TRPM2: variants seen among roughly 807,000 people sequenced by gnomAD.
TRPM2 encodes the protein transient receptor potential cation channel subfamily M member 2, also known as estrogen-responsive element-associated gene 1 protein.
A neutral mutation model predicts 174.0 loss-of-function variants in TRPM2; 161 were observed. That is an observed-to-expected ratio of 0.93 (90% CI 0.81 to 1.05). The LOEUF (loss-of-function observed/expected upper bound fraction) is 1.05. TRPM2 is among the 50% of genes least tolerant of loss of function. TRPM2 has a pLI of 0.00. For missense variants in TRPM2, 2,057 were observed against 2,038.0 expected (o/e 1.01, Z -0.18); for synonymous variants, 954 against 861.3 (o/e 1.11, Z -1.88).
chr21:44,359,409 G>T (rs920216680), intron 2 of TRPM2, among the ~76,000 whole-genome samples: 1 of 151,872 alleles, frequency 6.6e-6, no homozygotes, highest in African/African-American at 2.4e-5. Flanking sequence ...GTACGGATTT[G>T]GATTTGTAGG....
intron 27 of TRPM2, among the ~76,000 whole-genome samples, chr21:44,427,871 G>T (rs1352645493): frequency 6.6e-6 from 1 of 152,168 alleles, no homozygotes; most frequent in Non-Finnish European, 1.5e-5. Flanking sequence ...CCAGGTGGCT[G>T]CAGCTGCAGG....
In TRPM2 at chr21:44,418,095, G is replaced by A. The variant is rs932270656; in HGVS notation, c.3315G>A (p.Arg1105=). 111 of 1,611,340 alleles carry A rather than the reference G, an allele frequency of 6.9e-5. No homozygotes were observed. The highest frequency in any genetic ancestry group is 8.7e-5 in the Non-Finnish European group (103 of 1,179,336). Residue 1105 remains arginine (R), a synonymous_variant, in exon 21 of 32, where the codon AGG becomes AGA. Transcript: ENST00000397928. ...TGGTCCTGAAGACTCCGGCCAAGAG[G>A]CACAAGCAGCTCAGTATGCCAGCCC... is the stretch of plus-strand genomic sequence containing the variant. ...KRVVLKTPAK[R]HKQLKNKLEK...
chr21:44,409,976 C>A (rs1226906263), intron 19 of TRPM2, among the ~76,000 whole-genome samples: 1 of 151,974 alleles, frequency 6.6e-6, no homozygotes, highest in African/African-American at 2.4e-5. Context: ...TTTGACCTCA[C>A]TCTCTTGGTT....
rs1301599751 is a variant in TRPM2, at chr21:44,369,299, A to ACCTGGGGCACTGTCCACCGCCGCGAGGG, written c.732_759dup (p.Ile254GlyfsTer24). On this transcript the variant is annotated frameshift_variant, in exon 5 of 32. Coordinates refer to ENST00000397928, the MANE Select transcript of TRPM2 (RefSeq NM_003307.4). LOFTEE classifies it high-confidence loss of function. Reference sequence around the variant, plus strand: ...CGAGCTCATCACCATCGGAGTCGCCACCTGGGGCACTGTCCACCGCCGCGA... The same window carrying ACCTGGGGCACTGTCCACCGCCGCGAGGG: ...CGAGCTCATCACCATCGGAGTCGCCACCTGGGGCACTGTCCACCGCCGCGAGGGCCTGGGGCACTGTCCACCGCCGCGA... 1.2e-6 allele frequency: 2 copies of ACCTGGGGCACTGTCCACCGCCGCGAGGG among 1,613,648 alleles called. No homozygotes were observed. Among genetic ancestry groups the ACCTGGGGCACTGTCCACCGCCGCGAGGG allele is most frequent in the South Asian group, 2.2e-5 (2 of 91,076 alleles).
chr21:44,437,416 G>A (rs923855454), intron 29 of TRPM2, among the ~76,000 whole-genome samples: 8 of 152,186 alleles, frequency 5.3e-5, no homozygotes, highest in Non-Finnish European at 8.8e-5. Context: ...GGCACCTACT[G>A]TGTCCCAGGC....
chr21:44,436,974 C>A (rs906591621), intron 28 of TRPM2, 88 bp from the exon 29 acceptor site: 1 of 1,191,204 alleles, frequency 8.4e-7, no homozygotes, highest in Admixed American at 2.1e-5. Context: ...GACACTGCCC[C>A]GCCCCAGGCA....
intron 22 of TRPM2, chr21:44,422,190 C>A (rs1312909407): frequency 2.7e-6 from 4 of 1,476,026 alleles, no homozygotes; most frequent in Non-Finnish European, 3.6e-6. Flanking sequence ...AGCTGGGCAC[C>A]TGGGAGGCGC....
chr21:44,391,185 G>T lies in TRPM2; in HGVS notation c.1441-87G>T. On this transcript the variant is annotated intron_variant, in intron 10 of 31. Coordinates refer to ENST00000397928, the MANE Select transcript of TRPM2 (RefSeq NM_003307.4). This position sits in a 1 kb window ranked among gnomAD's most constrained non-coding sequence, Gnocchi z 5.0. ...CATCCTCCCCAGGTTGGGGACAACAGCAGCCCCCATCTCCAGGGTCTTTGA... is the reference window on the plus strand; with the variant it reads ...CATCCTCCCCAGGTTGGGGACAACATCAGCCCCCATCTCCAGGGTCTTTGA... The T allele has an allele frequency of 6.5e-7, 1 of 1,532,318 alleles. No individual in the cohort carries two copies. The highest frequency in any genetic ancestry group is 1.2e-5 in the South Asian group (1 of 81,280). The allele number at this position is 1,532,318 out of a possible 1,614,324, so 94.9% of individuals were successfully genotyped here.
At chr21:44,403,159 C>A (rs1240610390) in intron 16 of TRPM2, among the ~76,000 whole-genome samples, 1 of 152,188 alleles carries the variant, frequency 6.6e-6, no homozygotes, top group Non-Finnish European at 1.5e-5. Flanking sequence ...CCAGCCCCAG[C>A]CCCATGGGCA....
intron 11 of TRPM2, among the ~76,000 whole-genome samples, chr21:44,394,473 C>G (rs1034895172): frequency 5.9e-5 from 9 of 151,904 alleles, no homozygotes; most frequent in African/African-American, 2.2e-4. Flanking sequence ...GTGTCCGCCA[C>G]CACGCCTGGC....
intron 7 of TRPM2, 135 bp from the exon 8 acceptor site, chr21:44,378,859 CTAA>C: frequency 3.2e-6 from 3 of 947,426 alleles, no homozygotes; most frequent in South Asian, 3.2e-5. Flanking sequence ...CGCCACGAAA[CTAA>C]TAAGTGCTTT....
rs2050797585 is a variant in TRPM2, at chr21:44,426,745, G to A, written c.3872+9G>A. 1.2e-6 allele frequency: 2 copies of A among 1,613,848 alleles called. No homozygotes were observed. The highest frequency in any genetic ancestry group is 1.7e-6 in the Non-Finnish European group (2 of 1,179,954). ...ATGGACCCCATGGGAGAGTGAGTATGAGCCGCTGTCCGTGCTCCCAGCTGG... is the reference window on the plus strand; with the variant it reads ...ATGGACCCCATGGGAGAGTGAGTATAAGCCGCTGTCCGTGCTCCCAGCTGG... On this transcript the variant is annotated intron_variant, in intron 26 of 31. Transcript: ENST00000397928.
intron 20 of TRPM2, among the ~76,000 whole-genome samples, chr21:44,414,402 C>T (rs1688120366): frequency 6.6e-6 from 1 of 152,222 alleles, no homozygotes; most frequent in South Asian, 2.1e-4. Context: ...ATGTTGGTGT[C>T]AGCCTCGTTC....
Position 44,427,126 on chromosome 21 carries a change from T to C in TRPM2, c.3974+15T>C. ...GGGTTGCCCCTGTGAGTGTGCCCCC[T>C]GCGGGCCCCGCCCCGTCAGCCTTTG... On this transcript the variant is annotated intron_variant, in intron 27 of 31. Transcript: ENST00000397928. 6.4e-7 allele frequency: 1 copy of C among 1,563,732 alleles called. No homozygotes were observed. The highest frequency in any genetic ancestry group is 8.7e-7 in the Non-Finnish European group (1 of 1,153,030).
chr21:44,407,850 G>A (rs1342215455), intron 19 of TRPM2, among the ~76,000 whole-genome samples: 1 of 151,214 alleles, frequency 6.6e-6, no homozygotes, highest in African/African-American at 2.4e-5. Context: ...GGACATATGG[G>A]TTGTTTCCAC....
At chr21:44,361,971 A>C (rs951233793) in intron 2 of TRPM2, among the ~76,000 whole-genome samples, 3 of 152,224 alleles carry the variant, frequency 2.0e-5, no homozygotes, top group African/African-American at 7.2e-5. Flanking sequence ...GGCCTCCCAA[A>C]GTGTTCGGAT....
chr21:44,368,026 A>G (rs992474314), intron 4 of TRPM2, among the ~76,000 whole-genome samples: 3 of 152,162 alleles, frequency 2.0e-5, no homozygotes, highest in Non-Finnish European at 4.4e-5. Flanking sequence ...TTAGCTTTCA[A>G]TATCCGTGTC....
intron 30 of TRPM2, among the ~76,000 whole-genome samples, chr21:44,440,056 G>A (rs974252903): frequency 1.3e-5 from 2 of 151,536 alleles, no homozygotes; most frequent in Middle Eastern, 3.4e-3. Context: ...GGCTACACGG[G>A]CCGGGTGCGC....
chr21:44,386,396 A>G (rs551597123), intron 9 of TRPM2, among the ~76,000 whole-genome samples: 7 of 151,900 alleles, frequency 4.6e-5, no homozygotes, highest in Middle Eastern at 3.4e-3. Flanking sequence ...TGACAGCAAG[A>G]CTCCGTTCCC....
Sources: gnomAD v4.1 joint callset for allele counts (sites outside exome capture counted in the v4.1 genomes callset) on GRCh38, gnomAD v4.1.1 for gene constraint, Gnocchi (gnomAD v3.1) non-coding constraint, MANE v1.5 for transcripts, NCBI Gene and HGNC (gene_info 2026-07-23, HGNC 2026-07-21) for gene names.